CDYL2: variants seen among roughly 807,000 people sequenced by gnomAD.
CDYL2 encodes chromodomain Y-like protein 2.
In CDYL2, 23 loss-of-function variants were observed where a neutral mutation model predicts 49.4. That is an observed-to-expected ratio of 0.47 (90% CI 0.34 to 0.66). The LOEUF is 0.66. Among genes scored for constraint, CDYL2 ranks in the 30% least tolerant of loss-of-function variants. The pLI is 0.01. For synonymous variants in CDYL2, 360 were observed against 268.8 expected (o/e 1.34, Z -3.32); for missense variants, 678 against 656.4 (o/e 1.03, Z -0.36).
intron 2 of CDYL2, among the ~76,000 whole-genome samples, chr16:80,653,203 C>T (rs571013627): frequency 2.0e-4 from 31 of 152,352 alleles, no homozygotes; most frequent in Non-Finnish European, 2.9e-4. Flanking sequence ...CGATGGCTCA[C>T]GCCTGTAATC....
intron 1 of CDYL2, among the ~76,000 whole-genome samples, chr16:80,699,088 A>G (rs544693052): frequency 6.6e-6 from 1 of 152,308 alleles, no homozygotes; most frequent in South Asian, 2.1e-4. Context: ...AAGACATGGA[A>G]AATAGAAAGG....
At chr16:80,725,863 G>C (rs1261217619) in intron 1 of CDYL2, among the ~76,000 whole-genome samples, 1 of 152,154 alleles carries the variant, frequency 6.6e-6, no homozygotes, top group Admixed American at 6.5e-5. Context: ...ATTCTCACTT[G>C]TTACAAAAAT....
At chr16:80,754,629 G>C (rs563677648) in intron 1 of CDYL2, among the ~76,000 whole-genome samples, 52 of 152,270 alleles carry the variant, frequency 3.4e-4, no homozygotes, top group Middle Eastern at 3.4e-3. Flanking sequence ...AAGTCACTTA[G>C]CTGTTGTAAG....
chr16:80,673,654 C>A (rs1001876975), intron 2 of CDYL2, among the ~76,000 whole-genome samples: 1 of 152,110 alleles, frequency 6.6e-6, no homozygotes, highest in African/African-American at 2.4e-5. Flanking sequence ...ATATGCATAC[C>A]CTTTCTTCCC....
chr16:80,756,933 T>C (rs565899626), intron 1 of CDYL2, among the ~76,000 whole-genome samples: 1 of 151,692 alleles, frequency 6.6e-6, no homozygotes, highest in South Asian at 2.1e-4. Flanking sequence ...TTTTAAAAAA[T>C]AGTCAACTAA....
In CDYL2 at chr16:80,684,614, A is replaced by T. The variant is rs774270019; in HGVS notation, c.540T>A (p.Asp180Glu). The T allele has an allele frequency of 2.5e-6, 4 of 1,614,160 alleles. No homozygotes were observed. In the Admixed American group the frequency reaches 5.0e-5, roughly 20 times the overall value. The change falls in exon 2 of 7, where the codon GAT (aspartate) becomes GAA (glutamate). Residue 180 changes from aspartate (D) to glutamate (E), a missense_variant. Coordinates refer to ENST00000570137, the MANE Select transcript of CDYL2 (RefSeq NM_152342.4). ...FGNGSHQPGL[D>E]LNDHVGEQDM... Reference sequence around the variant, plus strand: ...CTTGCTCTCCAACATGATCATTCAAATCCAAGCCAGGCTGATGGGACCCAT... The same window carrying T: ...CTTGCTCTCCAACATGATCATTCAATTCCAAGCCAGGCTGATGGGACCCAT...
intron 2 of CDYL2, among the ~76,000 whole-genome samples, chr16:80,661,461 T>C (rs1411294577): frequency 6.6e-6 from 1 of 152,166 alleles, no homozygotes; most frequent in Non-Finnish European, 1.5e-5. Flanking sequence ...ACAGGTTGTC[T>C]CATTCCATCC....
At chr16:80,718,391 C>G (rs1397057235) in intron 1 of CDYL2, among the ~76,000 whole-genome samples, 1 of 152,190 alleles carries the variant, frequency 6.6e-6, no homozygotes, top group African/African-American at 2.4e-5. Flanking sequence ...ATCCTCACAT[C>G]AACCCACTGA....
In CDYL2 at chr16:80,598,667, A is replaced by G. The variant is rs753707503; in HGVS notation, c.*5721T>C. ...GGAGTACCAGGCCTCCACTTTTATG[A>G]TATGGATACAGGCTTGGGACTACAC... On this transcript the variant is annotated 3_prime_UTR_variant, in exon 7 of 7. Coordinates refer to ENST00000570137, the MANE Select transcript of CDYL2 (RefSeq NM_152342.4). The G allele has an allele frequency of 1.4e-4, 22 of 152,196 alleles. No individual in the cohort carries two copies. Among genetic ancestry groups the G allele is most frequent in the Admixed American group, 1.2e-3 (18 of 15,268 alleles). The allele number at this position is 152,196 out of a possible 1,614,324, so 9.4% of individuals were successfully genotyped here. A position where few individuals can be genotyped will look rare whatever the true frequency, so the allele number is the denominator to read the frequency against.
chr16:80,752,412 C>A (rs1906168619), intron 1 of CDYL2, among the ~76,000 whole-genome samples: 1 of 151,948 alleles, frequency 6.6e-6, no homozygotes, highest in African/African-American at 2.4e-5. Context: ...AACATCGAGT[C>A]ACAAAATCCC....
At chr16:80,630,995 C>T (rs978238370) in intron 3 of CDYL2, among the ~76,000 whole-genome samples, 1 of 152,020 alleles carries the variant, frequency 6.6e-6, no homozygotes, top group East Asian at 1.9e-4. Context: ...CCTCCCATTG[C>T]TATTATGAAA....
At position 80,712,215 on chromosome 16, in the gene CDYL2, A is replaced by ATATATATATATATATATATATG. The variant is rs763194077; in HGVS notation, c.25-27087_25-27086insCATATATATATATATATATATA. ...TGTATATATATATATATATATATAT[A>ATATATATATATATATATATATG]TCTCCAAACCACTGCTCACTGTGAT... On this transcript the variant is annotated intron_variant, in intron 1 of 6. Transcript: ENST00000570137. 1.4e-3 allele frequency among the ~76,000 whole-genome samples: 178 copies of ATATATATATATATATATATATG among 128,310 alleles called. 2 individuals are homozygous for ATATATATATATATATATATATG. The highest frequency in any genetic ancestry group is 2.0e-3 in the African/African-American group (74 of 37,748). The allele number at this position is 128,310 out of a possible 152,430, so 84.2% of individuals were successfully genotyped here. A position where few individuals can be genotyped will look rare whatever the true frequency, so the allele number is the denominator to read the frequency against.
intron 1 of CDYL2, among the ~76,000 whole-genome samples, chr16:80,720,893 T>A (rs1477841094): frequency 6.6e-6 from 1 of 152,162 alleles, no homozygotes; most frequent in Non-Finnish European, 1.5e-5. Flanking sequence ...AGGCTTTCTT[T>A]AGAGTCACAA....
chr16:80,755,772 G>A (rs906279745), intron 1 of CDYL2, among the ~76,000 whole-genome samples: 2 of 152,190 alleles, frequency 1.3e-5, no homozygotes, highest in African/African-American at 4.8e-5. Flanking sequence ...CTTAATGATA[G>A]TGTATGAATA....
At chr16:80,762,022 C>T (rs1472825783) in intron 1 of CDYL2, among the ~76,000 whole-genome samples, 1 of 151,446 alleles carries the variant, frequency 6.6e-6, no homozygotes, top group Non-Finnish European at 1.5e-5. Flanking sequence ...CCCATCTCTA[C>T]AAAAAATACA....
At position 80,644,004 on chromosome 16, in the gene CDYL2, T is replaced by G. The variant is rs542347353; in HGVS notation, c.617-10768A>C. On this transcript the variant is annotated intron_variant, in intron 2 of 6. Transcript: ENST00000570137. Reference sequence around the variant, plus strand: ...AAATGGGTTTTCTTGTCTATCACATTGTCAGGCTACAAATTTTCCAAACTT... The same window carrying G: ...AAATGGGTTTTCTTGTCTATCACATGGTCAGGCTACAAATTTTCCAAACTT... Among the ~76,000 whole-genome samples, 4 of 152,356 alleles carry G rather than the reference T, an allele frequency of 2.6e-5. No individual in the cohort carries two copies. In the East Asian group the frequency reaches 7.7e-4, roughly 29 times the overall value.
chr16:80,752,329 A>G (rs1264966975), intron 1 of CDYL2, among the ~76,000 whole-genome samples: 1 of 152,170 alleles, frequency 6.6e-6, no homozygotes. Context: ...CTGGTGTCCT[A>G]GAAGAGGAAT....
intron 4 of CDYL2, among the ~76,000 whole-genome samples, chr16:80,614,450 C>A (rs1425194652): frequency 2.0e-5 from 3 of 152,228 alleles, no homozygotes; most frequent in Admixed American, 2.0e-4. Context: ...AGTCTAGGTT[C>A]CTGAGTCACC....
intron 6 of CDYL2, 53 bp downstream of exon 6, chr16:80,608,039 G>C (rs9940376): frequency 0.24 from 363,698 of 1,510,180 alleles, 48,468 homozygotes; most frequent in African/African-American, 0.53. Context: ...CTGTCTTCAT[G>C]TGTAAAATGG....
Sources: allele counts gnomAD v4.1 joint callset (sites outside exome capture counted in the v4.1 genomes callset), GRCh38; gene constraint gnomAD v4.1.1; transcripts MANE v1.5; gene names NCBI Gene and HGNC (gene_info 2026-07-23, HGNC 2026-07-21).